Variants in NECAB1 observed in about 807,000 individuals in gnomAD.
The protein encoded by NECAB1 is N-terminal EF-hand calcium binding protein 1, also known as N-terminal EF-hand calcium-binding protein 1.
NECAB1 carries 29 observed loss-of-function variants against 57.5 expected under a neutral mutation model. The observed-to-expected ratio is 0.50, with a 90% CI of 0.38 to 0.69. NECAB1 has a LOEUF of 0.69. Among genes scored for constraint, NECAB1 ranks in the 30% least tolerant of loss-of-function variants. The pLI, the probability that NECAB1 is intolerant of heterozygous loss-of-function variation, is 0.00. For synonymous variants in NECAB1, 142 were observed against 147.7 expected, an observed-to-expected ratio of 0.96 and a Z score of 0.28; for missense variants, 372 against 413.8, an observed-to-expected ratio of 0.90 and a Z score of 0.88.
intron 9 of NECAB1, among the ~76,000 whole-genome samples, chr8:90,935,353 T>C (rs1180175025): frequency 1.3e-5 from 2 of 152,160 alleles, no homozygotes; most frequent in Non-Finnish European, 2.9e-5. Flanking sequence ...GTTAGAATCC[T>C]ATAGTTATGA....
In NECAB1 at chr8:90,955,828, A is replaced by G. The variant is rs1298173528; in HGVS notation, c.*316A>G. ...TGCATAAAGGAATAATATTGTGAAA[A>G]TGAATCTGTTATGATAAAGAAAAAA... On this transcript the variant is annotated 3_prime_UTR_variant, in exon 13 of 13. Coordinates refer to ENST00000417640, the MANE Select transcript of NECAB1 (RefSeq NM_022351.5). 4.0e-6 allele frequency: 1 copy of G among 251,488 alleles called. No homozygotes were observed. Among genetic ancestry groups the G allele is most frequent in the African/African-American group, 2.2e-5 (1 of 44,586 alleles). 15.6% of individuals were successfully genotyped at this position (251,488 alleles called of 1,614,324 possible).
intron 5 of NECAB1, among the ~76,000 whole-genome samples, chr8:90,913,465 C>T (rs543459822): frequency 1.1e-4 from 16 of 150,666 alleles, no homozygotes; most frequent in Admixed American, 9.9e-4. Context: ...GATTAAACTG[C>T]GTTTGAAAAA....
chr8:90,870,421 T>C (rs1808601116), intron 3 of NECAB1, among the ~76,000 whole-genome samples: 1 of 152,210 alleles, frequency 6.6e-6, no homozygotes, highest in African/African-American at 2.4e-5. Flanking sequence ...CCTTTTATTA[T>C]CTAGTTCCAT....
chr8:90,893,097 C>T (rs1451023455), intron 5 of NECAB1, among the ~76,000 whole-genome samples: 1 of 152,160 alleles, frequency 6.6e-6, no homozygotes, highest in Non-Finnish European at 1.5e-5. Flanking sequence ...ATTCTGCCCT[C>T]CCTAGGTCCT....
intron 9 of NECAB1, among the ~76,000 whole-genome samples, chr8:90,937,003 G>A (rs1731798303): frequency 6.6e-6 from 1 of 152,096 alleles, no homozygotes. Flanking sequence ...GAAAAGTGAA[G>A]CTAATTCTTT....
intron 5 of NECAB1, among the ~76,000 whole-genome samples, chr8:90,914,049 C>T (rs1344838563): frequency 6.6e-6 from 1 of 152,172 alleles, no homozygotes; most frequent in Non-Finnish European, 1.5e-5. Flanking sequence ...CTTCCCAGAG[C>T]TTGGACACTC....
intron 3 of NECAB1, among the ~76,000 whole-genome samples, chr8:90,865,299 A>G (rs1393377932): frequency 6.6e-6 from 1 of 152,108 alleles, no homozygotes; most frequent in African/African-American, 2.4e-5. Flanking sequence ...TCTGACCCTA[A>G]TTTGCCCCAG....
chr8:90,828,486 A>G (rs1003338863), intron 3 of NECAB1, among the ~76,000 whole-genome samples: 1 of 152,028 alleles, frequency 6.6e-6, no homozygotes, highest in Non-Finnish European at 1.5e-5. Flanking sequence ...TGAGAATTCC[A>G]TGAATCATCC....
At chr8:90,846,348 A>G (rs1373540892) in intron 3 of NECAB1, among the ~76,000 whole-genome samples, 1 of 152,242 alleles carries the variant, frequency 6.6e-6, no homozygotes, top group Non-Finnish European at 1.5e-5. Context: ...AATGTGCTTA[A>G]AGCAGCTCTT....
rs1554575432 is a variant in NECAB1, at chr8:90,917,870, A to ATATATATATATATATATATATGTG, written c.494+243_494+244insATATATATATATATATATATGTGT. Among the ~76,000 whole-genome samples the ATATATATATATATATATATATGTG allele has an allele frequency of 1.8e-3, 115 of 64,282 alleles. 3 individuals carry two copies. Among genetic ancestry groups the ATATATATATATATATATATATGTG allele is most frequent in the African/African-American group, 2.3e-3 (22 of 9,574 alleles). The allele number at this position is 64,282 out of a possible 152,430, so 42.2% of individuals were successfully genotyped here. On this transcript the variant is annotated intron_variant, in intron 6 of 12. Coordinates refer to ENST00000417640, the MANE Select transcript of NECAB1 (RefSeq NM_022351.5). ...TATATATATATATATATATATATAT[A>ATATATATATATATATATATATGTG]TGTGTGTGTGTGCGTGTATATATAT... is the stretch of plus-strand genomic sequence containing the variant.
intron 10 of NECAB1, among the ~76,000 whole-genome samples, chr8:90,943,653 TC>T (rs1300817827): frequency 6.6e-6 from 1 of 152,204 alleles, no homozygotes; most frequent in Non-Finnish European, 1.5e-5. Flanking sequence ...GGTTCTGTTC[TC>T]CCATGATGTT....
At chr8:90,874,030 T>A (rs1486466) in intron 4 of NECAB1, among the ~76,000 whole-genome samples, 66,709 of 151,996 alleles carry the variant, frequency 0.44, 17,222 homozygotes, top group East Asian at 0.77. Context: ...TTGTATTCAG[T>A]CATGTGTTAT....
At chr8:90,896,228 T>A (rs556092943) in intron 5 of NECAB1, among the ~76,000 whole-genome samples, 2 of 152,254 alleles carry the variant, frequency 1.3e-5, no homozygotes, top group South Asian at 2.1e-4. Context: ...AGCTAAGACA[T>A]GTTTAAAAAG....
At chr8:90,792,188 C>A (rs916594742) in intron 1 of NECAB1, among the ~76,000 whole-genome samples, 2 of 152,218 alleles carry the variant, frequency 1.3e-5, no homozygotes, top group African/African-American at 4.8e-5. Flanking sequence ...TGGCTTAACA[C>A]CCTTAAGAAA....
At chr8:90,910,365 C>A (rs1210729563) in intron 5 of NECAB1, among the ~76,000 whole-genome samples, 2 of 151,986 alleles carry the variant, frequency 1.3e-5, no homozygotes, top group Admixed American at 6.6e-5. Context: ...TAGGATTTGA[C>A]CTTAATAATT....
chr8:90,833,633 T>C (rs779078044), intron 3 of NECAB1, among the ~76,000 whole-genome samples: 1 of 152,174 alleles, frequency 6.6e-6, no homozygotes, highest in African/African-American at 2.4e-5. Flanking sequence ...CTGAGGAAGC[T>C]AGATGAATGA....
At chr8:90,828,366 A>G (rs1039415595) in intron 3 of NECAB1, among the ~76,000 whole-genome samples, 2 of 152,064 alleles carry the variant, frequency 1.3e-5, no homozygotes, top group African/African-American at 4.8e-5. Context: ...AACTACCTGT[A>G]TCAACCACAT....
At chr8:90,901,314 C>T (rs1327704214) in intron 5 of NECAB1, among the ~76,000 whole-genome samples, 1 of 151,754 alleles carries the variant, frequency 6.6e-6, no homozygotes, top group Non-Finnish European at 1.5e-5. Context: ...TGTTTCCTTT[C>T]CTTTTTTAAT....
chr8:90,896,627 A>G (rs532178056), intron 5 of NECAB1, among the ~76,000 whole-genome samples: 1 of 151,388 alleles, frequency 6.6e-6, no homozygotes, highest in South Asian at 2.1e-4. Context: ...AAACAAAAAC[A>G]AAAACAAAAA....
Sources: allele counts gnomAD v4.1 joint callset (sites outside exome capture counted in the v4.1 genomes callset), GRCh38; gene constraint gnomAD v4.1.1; transcripts MANE v1.5; gene names NCBI Gene and HGNC (gene_info 2026-07-23, HGNC 2026-07-21).